The following DTX1 variants were observed in gnomAD, a reference collection of about 807,000 sequenced individuals.
DTX1 encodes the protein deltex E3 ubiquitin ligase 1, also known as E3 ubiquitin-protein ligase DTX1.
In DTX1, 26 loss-of-function variants were observed where a neutral mutation model predicts 57.8. That is an observed-to-expected ratio of 0.45 (90% CI 0.33 to 0.62). The LOEUF (loss-of-function observed/expected upper bound fraction) is 0.62. Among genes scored for constraint, DTX1 ranks in the 20% least tolerant of loss-of-function variants. DTX1 has a pLI of 0.02. For synonymous variants in DTX1, 398 were observed against 394.1 expected, an observed-to-expected ratio of 1.01 and a Z score of -0.12; for missense variants, 704 against 895.3, an observed-to-expected ratio of 0.79 and a Z score of 2.73.
At chr12:113,086,456 G>A (rs759409473) in intron 3 of DTX1, among the ~76,000 whole-genome samples, 4 of 152,088 alleles carry the variant, frequency 2.6e-5, no homozygotes, top group Non-Finnish European at 5.9e-5. Flanking sequence ...GGTCTGGAAG[G>A]TTGCGGTTAG....
At chr12:113,088,130 G>C (rs1207406717) in intron 3 of DTX1, among the ~76,000 whole-genome samples, 1 of 152,208 alleles carries the variant, frequency 6.6e-6, no homozygotes, top group African/African-American at 2.4e-5. Flanking sequence ...GGAAACTCCA[G>C]GACCCAGTGC....
Position 113,094,112 on chromosome 12 carries a change from T to TGGGGGGGGGGGGGGGGGGG in DTX1, c.1227+20_1227+21insGGGGGGGGGGGGGGGGGGG. The TGGGGGGGGGGGGGGGGGGG allele has an allele frequency of 2.2e-6, 1 of 454,798 alleles. No homozygotes were observed. Among genetic ancestry groups the TGGGGGGGGGGGGGGGGGGG allele is most frequent in the Non-Finnish European group, 4.0e-6 (1 of 249,338 alleles). 28.2% of individuals were successfully genotyped at this position (454,798 alleles called of 1,614,324 possible). A position where few individuals can be genotyped will look rare whatever the true frequency, so the allele number is the denominator to read the frequency against. On this transcript the variant is annotated intron_variant, in intron 6 of 9. Coordinates refer to ENST00000548759, the MANE Select transcript of DTX1 (RefSeq NM_004416.3). Reference sequence around the variant, plus strand: ...CCCACCTGATGAGGTGAGGAGGGGATGGGGGGGCTGGGGGAGGGCCCTGGC... The same window carrying TGGGGGGGGGGGGGGGGGGG: ...CCCACCTGATGAGGTGAGGAGGGGATGGGGGGGGGGGGGGGGGGGGGGGGGGCTGGGGGAGGGCCCTGGC...
chr12:113,075,784 G>A (rs192318409), intron 2 of DTX1, among the ~76,000 whole-genome samples: 2 of 152,084 alleles, frequency 1.3e-5, no homozygotes, highest in African/African-American at 2.4e-5. Flanking sequence ...AGGAATGGAC[G>A]AATGCAGGGA....
chr12:113,058,513 G>A (rs2044646380), intron 2 of DTX1, 62 bp downstream of exon 2: 2 of 1,533,122 alleles, frequency 1.3e-6, no homozygotes, highest in Admixed American at 3.8e-5. Flanking sequence ...TGCAGCGTAG[G>A]ATGCTGAAAA....
chr12:113,066,574 A>G (rs1310341881), intron 2 of DTX1, among the ~76,000 whole-genome samples: 2 of 151,394 alleles, frequency 1.3e-5, no homozygotes, highest in African/African-American at 4.9e-5. Context: ...TTGTGACCTT[A>G]AGTAAACCAC....
rs1223033831 is a variant in DTX1, at chr12:113,094,071, T to C, written c.1199T>C (p.Met400Thr). ...CCCGAGGATGTGGTTCGAAGATACA[T>C]GCAGAAGGTGAAAAACCCACCTGAT... ...KNPEDVVRRY[M>T]QKVKNPPDED... The change falls in exon 6 of 10, where the codon ATG (methionine) becomes ACG (threonine). Residue 400 changes from methionine to threonine, a missense_variant. Met to Thr is a moderately conservative substitution (Grantham distance 81, BLOSUM62 -1). This residue lies in a region of DTX1 where 299 missense variants were observed against 311.2 expected (regional missense o/e 0.96). Transcript: ENST00000548759. 1.9e-6 allele frequency: 3 copies of C among 1,554,016 alleles called. No homozygotes were observed. The highest frequency in any genetic ancestry group is 2.3e-5 in the South Asian group (2 of 85,308).
intron 3 of DTX1, among the ~76,000 whole-genome samples, chr12:113,087,843 C>T (rs1461587342): frequency 1.3e-5 from 2 of 152,024 alleles, no homozygotes; most frequent in African/African-American, 4.8e-5. Flanking sequence ...GGAGACCAGA[C>T]TTTGGAGGAG....
chr12:113,082,644 G>A (rs1435110438), intron 3 of DTX1, among the ~76,000 whole-genome samples: 1 of 152,172 alleles, frequency 6.6e-6, no homozygotes, highest in Non-Finnish European at 1.5e-5. Context: ...TGCCCAGGCT[G>A]GAGTACAGTG....
rs372733552 is a variant in DTX1 at position 113,080,896 on chromosome 12, G to A, written c.941+2791G>A. 4.9e-4 allele frequency among the ~76,000 whole-genome samples: 75 copies of A among 151,564 alleles called. No homozygotes were observed. In the East Asian group the frequency reaches 0.012, roughly 25 times the overall value. ...AGGCTGAGGCAAGAGGATCACTTGAGCCCAGTAGGTCAAGGCTGCAGTGAC... is the reference window on the plus strand; with the variant it reads ...AGGCTGAGGCAAGAGGATCACTTGAACCCAGTAGGTCAAGGCTGCAGTGAC... On this transcript the variant is annotated intron_variant, in intron 3 of 9. Coordinates refer to ENST00000548759, the MANE Select transcript of DTX1 (RefSeq NM_004416.3).
Position 113,096,888 on chromosome 12 carries a change from G to A in DTX1, c.1812G>A (p.Val604=). The change falls in exon 10 of 10, where the codon GTG becomes GTA. Residue 604 remains valine (V), a synonymous_variant. Transcript: ENST00000548759. ...GYPDASYLDN[V]LAELTAQGVS... is the part of the protein sequence containing the mutation. ...CGGACGCTAGCTACCTAGACAACGTGCTGGCTGAGCTCACAGCCCAGGGCG... is the reference window on the plus strand; with the variant it reads ...CGGACGCTAGCTACCTAGACAACGTACTGGCTGAGCTCACAGCCCAGGGCG... 6.2e-7 allele frequency: 1 copy of A among 1,613,300 alleles called. No individual in the cohort carries two copies. Among genetic ancestry groups the A allele is most frequent in the Non-Finnish European group, 8.5e-7 (1 of 1,180,036 alleles).
chr12:113,090,518 A>AT (rs1950240660), intron 3 of DTX1, among the ~76,000 whole-genome samples: 1 of 152,154 alleles, frequency 6.6e-6, no homozygotes, highest in Non-Finnish European at 1.5e-5. Flanking sequence ...CTCTATCCCC[A>AT]TTACAGGTGG....
At chr12:113,067,259 CT>C (rs1319266958) in intron 2 of DTX1, among the ~76,000 whole-genome samples, 1 of 151,878 alleles carries the variant, frequency 6.6e-6, no homozygotes, top group African/African-American at 2.4e-5. Flanking sequence ...CAGAGTTTAC[CT>C]GGAATACCAC....
At position 113,097,058 on chromosome 12, in the gene DTX1, C is replaced by T; in HGVS notation, c.*119C>T. On this transcript the variant is annotated 3_prime_UTR_variant, in exon 10 of 10. Transcript: ENST00000548759. Reference sequence around the variant, plus strand: ...GGGGAGGAGCCTGCGGAAGGGGCCGCAGCCATTCAGGGGACCTGCCTGGTG... The same window carrying T: ...GGGGAGGAGCCTGCGGAAGGGGCCGTAGCCATTCAGGGGACCTGCCTGGTG... 1.7e-6 allele frequency: 2 copies of T among 1,166,032 alleles called. No individual in the cohort carries two copies. Among genetic ancestry groups the T allele is most frequent in the East Asian group, 2.6e-5 (1 of 38,476 alleles). 72.2% of individuals were successfully genotyped at this position (1,166,032 alleles called of 1,614,324 possible).
chr12:113,070,431 C>A (rs1285145324), intron 2 of DTX1, among the ~76,000 whole-genome samples: 1 of 152,242 alleles, frequency 6.6e-6, no homozygotes, highest in African/African-American at 2.4e-5. Context: ...GAGATCACTT[C>A]CCTCCGGGAA....
intron 9 of DTX1, 49 bp downstream of exon 9, chr12:113,095,463 C>T (rs1441142252): frequency 2.5e-6 from 4 of 1,609,552 alleles, no homozygotes; most frequent in Non-Finnish European, 3.4e-6. Flanking sequence ...GGCAGGGGCT[C>T]CAGCAACCAC....
intron 1 of DTX1, among the ~76,000 whole-genome samples, chr12:113,057,203 G>A (rs964091178): frequency 6.6e-6 from 1 of 152,052 alleles, no homozygotes; most frequent in Non-Finnish European, 1.5e-5. Context: ...GGCCCCGGGG[G>A]AAGGGAAGGC....
At chr12:113,088,784 A>T (rs1950224162) in intron 3 of DTX1, among the ~76,000 whole-genome samples, 1 of 152,214 alleles carries the variant, frequency 6.6e-6, no homozygotes, top group African/African-American at 2.4e-5. Flanking sequence ...TGAGCCCAGG[A>T]GGTCAGGTCC....
At position 113,077,445 on chromosome 12, in the gene DTX1, G is replaced by T; in HGVS notation, c.281G>T (p.Arg94Leu). Residue 94 changes from arginine (R) to leucine (L), a missense_variant, in exon 3 of 10, where the codon CGC becomes CTC. Physicochemically the swap from Arg to Leu is moderately radical, Grantham distance 102 (BLOSUM62 -2). Coordinates refer to ENST00000548759, the MANE Select transcript of DTX1 (RefSeq NM_004416.3). The surrounding 1 kb of genome is among the most constrained non-coding windows in gnomAD (Gnocchi z 7.8). ...QDTGTMRPVR[R>L]NFYDPSSAPG... Reference sequence around the variant, plus strand: ...ACAGGCACCATGCGGCCCGTGCGGCGCAACTTCTACGACCCGTCGTCGGCG... The same window carrying T: ...ACAGGCACCATGCGGCCCGTGCGGCTCAACTTCTACGACCCGTCGTCGGCG... 6.2e-7 allele frequency: 1 copy of T among 1,609,404 alleles called. No homozygotes were observed. The highest frequency in any genetic ancestry group is 8.5e-7 in the Non-Finnish European group (1 of 1,179,392).
intron 3 of DTX1, among the ~76,000 whole-genome samples, chr12:113,086,467 G>C (rs780936368): frequency 6.6e-6 from 1 of 152,060 alleles, no homozygotes; most frequent in Admixed American, 6.6e-5. Context: ...TTGCGGTTAG[G>C]ACTTTGGCTT....
Sources: gnomAD v4.1 joint callset for allele counts (sites outside exome capture counted in the v4.1 genomes callset) on GRCh38, gnomAD v4.1.1 for gene constraint, gnomAD v4.1.1 regional missense constraint, Gnocchi (gnomAD v3.1) non-coding constraint, MANE v1.5 for transcripts, NCBI Gene and HGNC (gene_info 2026-07-23, HGNC 2026-07-21) for gene names.